Variants in ATP11A observed in about 807,000 individuals in gnomAD.
ATP11A encodes the protein ATPase phospholipid transporting 11A, also known as phospholipid-transporting ATPase IH.
A neutral mutation model predicts 154.4 loss-of-function variants in ATP11A; 81 were observed. That is an observed-to-expected ratio of 0.52 (90% CI 0.44 to 0.63). The LOEUF is 0.63. Ranked by LOEUF, ATP11A falls within the 30% of genes least tolerant of loss-of-function variation. The pLI is 0.00. For missense variants in ATP11A, 1,316 were observed against 1,474.3 expected (o/e 0.89, Z 1.76); for synonymous variants, 623 against 585.9 (o/e 1.06, Z -0.91).
intron 1 of ATP11A, among the ~76,000 whole-genome samples, chr13:112,769,072 G>A (rs914851869): frequency 1.3e-5 from 2 of 152,152 alleles, no homozygotes; most frequent in Non-Finnish European, 2.9e-5. Flanking sequence ...AACTGCTATG[G>A]GGGGAAGGTT....
At chr13:112,776,992 C>G (rs1380192632) in intron 1 of ATP11A, among the ~76,000 whole-genome samples, 1 of 152,204 alleles carries the variant, frequency 6.6e-6, no homozygotes, top group Non-Finnish European at 1.5e-5. Flanking sequence ...CATCGTAGAT[C>G]TTCTGAAACG....
chr13:112,718,044 G>A (rs1203259710), intron 1 of ATP11A, among the ~76,000 whole-genome samples: 1 of 152,210 alleles, frequency 6.6e-6, no homozygotes, highest in Non-Finnish European at 1.5e-5. Flanking sequence ...CCACTGCACT[G>A]CAGCCTGAGT....
At position 112,884,828 on chromosome 13, in the gene ATP11A, C is replaced by A. The variant is rs1384687343; in HGVS notation, c.*2962C>A. 2.0e-5 allele frequency: 3 copies of A among 150,358 alleles called. No individual in the cohort carries two copies. The highest frequency in any genetic ancestry group is 4.4e-5 in the Non-Finnish European group (3 of 67,464). The allele number at this position is 150,358 out of a possible 1,614,324, so 9.3% of individuals were successfully genotyped here. On this transcript the variant is annotated 3_prime_UTR_variant, in exon 30 of 30. Coordinates refer to ENST00000375645, the MANE Select transcript of ATP11A (RefSeq NM_015205.3). ...ACCCAGTCCCTGCCACAGACCGTCT[C>A]AGACACGCACAGTGGGCCTGCTGCA...
At chr13:112,861,495 A>G (rs1325222649) in intron 24 of ATP11A, among the ~76,000 whole-genome samples, 3 of 152,230 alleles carry the variant, frequency 2.0e-5, no homozygotes, top group African/African-American at 7.2e-5. Context: ...GCACTTACGT[A>G]CATGTGTGTA....
chr13:112,860,883 C>T, intron 24 of ATP11A: 1 of 154,012 alleles, frequency 6.5e-6, no homozygotes, highest in Non-Finnish European at 1.4e-5. Context: ...GAAATGCCCC[C>T]CAAGGTCTCT....
Position 112,875,952 on chromosome 13 carries a change from TC to T in ATP11A, c.3327+15del. ...ACAGAGAGAGTCCAGGTACGGAGTG[TC>T]CCCAGCCGGGGCGGGGGTGCCTCAG... On this transcript the variant is annotated intron_variant, in intron 28 of 29. Coordinates refer to ENST00000375645, the MANE Select transcript of ATP11A (RefSeq NM_015205.3). This position sits in a 1 kb window ranked among gnomAD's most constrained non-coding sequence, Gnocchi z 4.1. 1 of 1,601,530 alleles carries T rather than the reference TC, an allele frequency of 6.2e-7. No individual in the cohort carries two copies.
At chr13:112,844,024 C>G (rs2079503401) in intron 17 of ATP11A, among the ~76,000 whole-genome samples, 1 of 152,216 alleles carries the variant, frequency 6.6e-6, no homozygotes, top group Non-Finnish European at 1.5e-5. Context: ...GCACAAGCGT[C>G]CTGCGCTTCG....
At chr13:112,725,266 G>A (rs1470771048) in intron 1 of ATP11A, among the ~76,000 whole-genome samples, 3 of 152,272 alleles carry the variant, frequency 2.0e-5, no homozygotes, top group Non-Finnish European at 4.4e-5. Flanking sequence ...ACCTCCCATG[G>A]CCAAGGTGAA....
chr13:112,804,645 A>G (rs907957654), intron 2 of ATP11A, among the ~76,000 whole-genome samples: 11 of 151,056 alleles, frequency 7.3e-5, no homozygotes, highest in Admixed American at 7.3e-4. Flanking sequence ...GTAAAATGCT[A>G]ATGTGTTGAG....
intron 1 of ATP11A, among the ~76,000 whole-genome samples, chr13:112,737,083 C>T (rs1375327103): frequency 6.6e-6 from 1 of 152,146 alleles, no homozygotes; most frequent in Non-Finnish European, 1.5e-5. Flanking sequence ...GAAATGTTCA[C>T]ATTAAATAAA....
intron 1 of ATP11A, among the ~76,000 whole-genome samples, chr13:112,715,238 G>T (rs963008314): frequency 6.6e-6 from 1 of 152,064 alleles, no homozygotes; most frequent in Non-Finnish European, 1.5e-5. Context: ...CCCCAAACTC[G>T]ATTGCAGAAG....
chr13:112,794,888 AAAAG>A (rs2077958557), intron 2 of ATP11A, among the ~76,000 whole-genome samples: 1 of 150,880 alleles, frequency 6.6e-6, no homozygotes, highest in Admixed American at 6.6e-5. Flanking sequence ...AGAAAAGAAA[AAAAG>A]AATAAAGCAA....
intron 1 of ATP11A, among the ~76,000 whole-genome samples, chr13:112,708,232 TGATTTTTATGCTACA>T (rs979081807): frequency 2.6e-5 from 4 of 152,188 alleles, no homozygotes; most frequent in African/African-American, 9.7e-5. Context: ...TCCCAAAGCC[TGATTTTTATGCTACA>T]GGAATAAACA....
At chr13:112,767,807 T>C (rs1250212017) in intron 1 of ATP11A, among the ~76,000 whole-genome samples, 1 of 152,092 alleles carries the variant, frequency 6.6e-6, no homozygotes. Flanking sequence ...AGTGCGTCTG[T>C]GGTGGTGGGC....
At position 112,854,548 on chromosome 13, in the gene ATP11A, G is replaced by GCCCCCA. The variant is rs2079868049; in HGVS notation, c.2243+26_2243+31dup. On this transcript the variant is annotated intron_variant, in intron 19 of 29. Coordinates refer to ENST00000375645, the MANE Select transcript of ATP11A (RefSeq NM_015205.3). ...CTGTCCGGGTAGGCAGCGCGTCCCCGCCCCCACCCCCACACTCCCGCAAAA... is the reference window on the plus strand; with the variant it reads ...CTGTCCGGGTAGGCAGCGCGTCCCCGCCCCCACCCCCACCCCCACACTCCCGCAAAA... The GCCCCCA allele has an allele frequency of 1.9e-6, 3 of 1,593,952 alleles. No homozygotes were observed. The highest frequency in any genetic ancestry group is 2.2e-5 in the South Asian group (2 of 90,724).
chr13:112,757,775 C>T (rs904284949), intron 1 of ATP11A, among the ~76,000 whole-genome samples: 2 of 152,236 alleles, frequency 1.3e-5, no homozygotes, highest in African/African-American at 2.4e-5. Context: ...AAAATACCTA[C>T]TCAAAACGTC....
chr13:112,723,472 A>G (rs112802221), intron 1 of ATP11A, among the ~76,000 whole-genome samples: 45 of 149,312 alleles, frequency 3.0e-4, no homozygotes, highest in African/African-American at 8.7e-4. Context: ...GGGTTTCACA[A>G]TGTCGGCCAG....
rs2079749197 is a variant in ATP11A at position 112,851,022 on chromosome 13, C to T, written c.1810-15C>T. 1 of 1,610,446 alleles carries T rather than the reference C, an allele frequency of 6.2e-7. No homozygotes were observed. Among genetic ancestry groups the T allele is most frequent in the Non-Finnish European group, 8.5e-7 (1 of 1,177,298 alleles). ...CACCTTGAATTCGTGCTAAACGCTG[C>T]ATTGTGTTCTGCAGGAGGGGCTCCG... On this transcript the variant is annotated splice_polypyrimidine_tract_variant and intron_variant, in intron 17 of 29. Transcript: ENST00000375645.
intron 1 of ATP11A, among the ~76,000 whole-genome samples, chr13:112,745,264 C>G (rs1367175944): frequency 6.6e-6 from 1 of 152,196 alleles, no homozygotes; most frequent in Non-Finnish European, 1.5e-5. Context: ...AGGGTTTCAC[C>G]ATGTTGGCCA....
Sources: gnomAD v4.1 joint callset for allele counts (sites outside exome capture counted in the v4.1 genomes callset) on GRCh38, gnomAD v4.1.1 for gene constraint, Gnocchi (gnomAD v3.1) non-coding constraint, MANE v1.5 for transcripts, NCBI Gene and HGNC (gene_info 2026-07-23, HGNC 2026-07-21) for gene names.